Variants in CRACD observed in about 807,000 individuals in gnomAD.
CRACD encodes the protein capping protein inhibiting regulator of actin dynamics, also known as capping protein-inhibiting regulator of actin dynamics.
In CRACD, 56 loss-of-function variants were observed where a neutral mutation model predicts 106.8. The ratio of observed to expected loss-of-function variants is 0.52; its 90% CI spans 0.42 to 0.66. CRACD has a LOEUF of 0.66. Among genes scored for constraint, CRACD ranks in the 30% least tolerant of loss-of-function variants. The pLI, the probability that CRACD is intolerant of heterozygous loss-of-function variation, is 0.00. For missense variants in CRACD, 1,730 were observed against 1,623.2 expected, an observed-to-expected ratio of 1.07 and a Z score of -1.13; for synonymous variants, 754 against 670.8, an observed-to-expected ratio of 1.12 and a Z score of -1.92.
At chr4:56,112,889 T>C (rs1054859291) in intron 1 of CRACD, among the ~76,000 whole-genome samples, 4 of 152,284 alleles carry the variant, frequency 2.6e-5, no homozygotes, top group Middle Eastern at 3.4e-3. Flanking sequence ...CATCACATTA[T>C]TGGATTTTAG....
chr4:56,099,062 A>G (rs1052328827), intron 1 of CRACD, among the ~76,000 whole-genome samples: 36 of 152,190 alleles, frequency 2.4e-4, no homozygotes, highest in African/African-American at 8.2e-4. Flanking sequence ...ATTTGTGTAG[A>G]TTCAGTGACC....
chr4:56,214,761 CCAG>C (rs1440123766), intron 2 of CRACD, among the ~76,000 whole-genome samples: 3 of 148,770 alleles, frequency 2.0e-5, no homozygotes, highest in Non-Finnish European at 4.4e-5. Context: ...GCCTATAATC[CCAG>C]CACTTTGGGA....
At chr4:56,285,107 G>A (rs1743261366) in intron 3 of CRACD, among the ~76,000 whole-genome samples, 1 of 152,210 alleles carries the variant, frequency 6.6e-6, no homozygotes, top group South Asian at 2.1e-4. Flanking sequence ...CCATGGTGGA[G>A]CAGGAGAGAC....
chr4:56,111,375 G>A (rs940946471), intron 1 of CRACD, among the ~76,000 whole-genome samples: 11 of 152,246 alleles, frequency 7.2e-5, no homozygotes, highest in African/African-American at 2.6e-4. Context: ...AAGGGATGGA[G>A]GAGGGCACAG....
intron 1 of CRACD, among the ~76,000 whole-genome samples, chr4:56,102,527 T>G (rs570464486): frequency 1.3e-5 from 2 of 152,312 alleles, no homozygotes; most frequent in South Asian, 4.1e-4. Context: ...AGTCAGATCA[T>G]CCATTTGAAC....
chr4:56,277,104 T>C (rs1397515872), intron 3 of CRACD, among the ~76,000 whole-genome samples: 1 of 152,190 alleles, frequency 6.6e-6, no homozygotes, highest in South Asian at 2.1e-4. Context: ...AGAAGGAAGA[T>C]GACAAATAGA....
rs1406836455 is a variant in CRACD at position 56,329,879 on chromosome 4, T to C, written c.*2075T>C. ...ACAAAAAGTTGTAGATGTGTCAACT[T>C]TGTATTGGCTGGGATATCACTGTGC... On this transcript the variant is annotated 3_prime_UTR_variant, in exon 11 of 11. Transcript: ENST00000682029. 6.6e-6 allele frequency among the ~76,000 whole-genome samples: 1 copy of C among 152,192 alleles called. No homozygotes were observed. The highest frequency in any genetic ancestry group is 2.4e-5 in the African/African-American group (1 of 41,450).
rs372905802 is a variant in CRACD at position 56,314,838 on chromosome 4, G to A, written c.1336G>A (p.Glu446Lys). The change falls in exon 8 of 11, where the codon GAG becomes AAG. Residue 446 changes from glutamate to lysine, a missense_variant. This residue lies in a region of CRACD where 1,620 missense variants were observed against 1,481.6 expected (regional missense o/e 1.09). Transcript: ENST00000682029. The surrounding 1 kb of genome is among the most constrained non-coding windows in gnomAD (Gnocchi z 4.4). Reference protein sequence around the residue: ...LKPEGQREHSEEPGICEEQNP... With the variant: ...LKPEGQREHSKEPGICEEQNP... ...ACCCGAAGGACAAAGAGAACACTCC[G>A]AGGAGCCAGGTATTTGCGAGGAGCA... The A allele has an allele frequency of 2.5e-6, 4 of 1,611,344 alleles. No homozygotes were observed. Among genetic ancestry groups the A allele is most frequent in the South Asian group, 2.2e-5 (2 of 90,046 alleles).
intron 1 of CRACD, among the ~76,000 whole-genome samples, chr4:56,059,373 G>A (rs1732191914): frequency 6.6e-6 from 1 of 152,200 alleles, no homozygotes; most frequent in Non-Finnish European, 1.5e-5. Context: ...CTACTCAGGA[G>A]GCTGAGGTGT....
intron 1 of CRACD, among the ~76,000 whole-genome samples, chr4:56,089,491 T>C (rs1026541246): frequency 5.3e-5 from 8 of 151,972 alleles, no homozygotes; most frequent in Non-Finnish European, 1.2e-4. Context: ...AAAGTAGTTT[T>C]GGTCAAGGTA....
chr4:56,085,566 A>T (rs1195613574), intron 1 of CRACD, among the ~76,000 whole-genome samples: 1 of 152,212 alleles, frequency 6.6e-6, no homozygotes, highest in East Asian at 1.9e-4. Context: ...AATGGGCCAG[A>T]TAGCAAATTA....
intron 1 of CRACD, among the ~76,000 whole-genome samples, chr4:56,106,014 C>T (rs895670716): frequency 4.6e-5 from 7 of 151,514 alleles, no homozygotes; most frequent in African/African-American, 1.7e-4. Context: ...AACCTGCTTT[C>T]TGCAAAGTGG....
At chr4:56,148,294 A>T (rs1735466242) in intron 1 of CRACD, among the ~76,000 whole-genome samples, 1 of 151,178 alleles carries the variant, frequency 6.6e-6, no homozygotes, top group African/African-American at 2.4e-5. Flanking sequence ...AAAAAAAAAA[A>T]ATTTATTTTT....
intron 1 of CRACD, among the ~76,000 whole-genome samples, chr4:56,098,996 C>T (rs1280407305): frequency 6.6e-6 from 1 of 152,110 alleles, no homozygotes; most frequent in Non-Finnish European, 1.5e-5. Context: ...TATTCTTTAC[C>T]AAGGTAAACA....
At position 56,314,026 on chromosome 4, in the gene CRACD, C is replaced by T. The variant is rs1356932772; in HGVS notation, c.538-14C>T. 3 of 1,606,950 alleles carry T rather than the reference C, an allele frequency of 1.9e-6. No individual in the cohort carries two copies. The African/African-American group carries it at 4.0e-5, about 22-fold the overall frequency. ...AAAGCAAAAGGCTAATTGTGTTTTC[C>T]TTTCCAATGTTAGGATCCACAACAT... is the stretch of plus-strand genomic sequence containing the variant. On this transcript the variant is annotated splice_polypyrimidine_tract_variant and intron_variant, in intron 7 of 10. Coordinates refer to ENST00000682029, the MANE Select transcript of CRACD (RefSeq NM_001393381.1). The surrounding 1 kb of genome is among the most constrained non-coding windows in gnomAD (Gnocchi z 4.4).
chr4:56,296,724 T>C (rs1744062684), intron 3 of CRACD, among the ~76,000 whole-genome samples: 1 of 152,202 alleles, frequency 6.6e-6, no homozygotes, highest in African/African-American at 2.4e-5. Flanking sequence ...GTGCTGCCTG[T>C]GTTGCCTGGC....
chr4:56,256,231 C>T (rs886443964), intron 2 of CRACD, among the ~76,000 whole-genome samples: 1 of 152,144 alleles, frequency 6.6e-6, no homozygotes, highest in African/African-American at 2.4e-5. Context: ...CCATGCTGTT[C>T]TTGTGATAGT....
intron 3 of CRACD, among the ~76,000 whole-genome samples, chr4:56,284,292 T>TAAAAAAAAAAAA (rs59270238): frequency 2.0e-4 from 9 of 45,470 alleles, no homozygotes; most frequent in East Asian, 1.2e-3. Flanking sequence ...CATCCTAAAG[T>TAAAAAAAAAAAA]AAAAAAAAAA....
At chr4:56,272,898 C>CAAAA (rs11434095) in intron 3 of CRACD, among the ~76,000 whole-genome samples, 1 of 124,974 alleles carries the variant, frequency 8.0e-6, no homozygotes, top group Non-Finnish European at 1.7e-5. Context: ...GACTCTGCCT[C>CAAAA]AAAAAAAAAA....
Sources: allele counts gnomAD v4.1 joint callset (sites outside exome capture counted in the v4.1 genomes callset), GRCh38; gene constraint gnomAD v4.1.1; regional missense constraint gnomAD v4.1.1; non-coding constraint Gnocchi (gnomAD v3.1); transcripts MANE v1.5; gene names NCBI Gene and HGNC (gene_info 2026-07-23, HGNC 2026-07-21).